MND1: variants seen among roughly 807,000 people sequenced by gnomAD.
MND1 encodes the protein meiotic nuclear divisions 1.
A neutral mutation model predicts 35.1 loss-of-function variants in MND1; 28 were observed. The observed-to-expected ratio is 0.80, with a 90% CI of 0.59 to 1.09. The LOEUF is 1.09. MND1 is among the 50% of genes least tolerant of loss of function. The pLI is 0.00. For missense variants in MND1, 213 were observed against 239.6 expected (o/e 0.89, Z 0.73); for synonymous variants, 69 against 70.5 (o/e 0.98, Z 0.11).
intron 6 of MND1, among the ~76,000 whole-genome samples, chr4:153,404,799 G>A (rs898039783): frequency 3.9e-5 from 6 of 152,086 alleles, no homozygotes; most frequent in Non-Finnish European, 5.9e-5. Context: ...TTCTTTAAGC[G>A]GATCACAAAG....
At chr4:153,376,210 A>G (rs953218958) in intron 4 of MND1, among the ~76,000 whole-genome samples, 1 of 152,058 alleles carries the variant, frequency 6.6e-6, no homozygotes, top group East Asian at 1.9e-4. Flanking sequence ...CTTGATAGCT[A>G]TTTCTAGAAT....
At chr4:153,381,429 C>A (rs924188038) in intron 4 of MND1, among the ~76,000 whole-genome samples, 2 of 151,026 alleles carry the variant, frequency 1.3e-5, no homozygotes, top group Non-Finnish European at 2.9e-5. Flanking sequence ...ATACTCCCCC[C>A]AAATCAGACA....
intron 4 of MND1, among the ~76,000 whole-genome samples, chr4:153,363,726 G>A (rs748918257): frequency 2.6e-5 from 4 of 152,106 alleles, no homozygotes; most frequent in Admixed American, 6.5e-5. Context: ...TCAGGAGTTC[G>A]GACCTACCTA....
At chr4:153,355,601 C>T (rs943068367) in intron 2 of MND1, 53 bp from the exon 3 acceptor site, 7 of 1,157,824 alleles carry the variant, frequency 6.0e-6, no homozygotes, top group Non-Finnish European at 7.7e-6. Context: ...TGAAAATATA[C>T]ATAGTAGAAA....
At chr4:153,363,436 TC>T (rs753462597) in intron 4 of MND1, among the ~76,000 whole-genome samples, 58 of 152,176 alleles carry the variant, frequency 3.8e-4, no homozygotes, top group Admixed American at 1.1e-3. Context: ...GGTCTCGAAC[TC>T]CCGACCTCAG....
intron 6 of MND1, among the ~76,000 whole-genome samples, chr4:153,403,342 C>T (rs141366037): frequency 1.3e-4 from 20 of 152,292 alleles, no homozygotes; most frequent in African/African-American, 3.1e-4. Flanking sequence ...TTGCTGAGAA[C>T]GCATGTCGCA....
rs199578291 is a variant in MND1, at chr4:153,393,371, T to TC, written c.277-891_277-890insC. Among the ~76,000 whole-genome samples, 669 of 145,506 alleles carry TC rather than the reference T, an allele frequency of 4.6e-3. 2 individuals carry two copies. The highest frequency in any genetic ancestry group is 0.016 in the African/African-American group (629 of 38,944). On this transcript the variant is annotated intron_variant, in intron 4 of 7. Transcript: ENST00000240488. ...GATTTTCAAATTCAATTTCTTTCTTTTTTTTTTTTTTTTTTTTGAAACAGG... is the reference window on the plus strand; with the variant it reads ...GATTTTCAAATTCAATTTCTTTCTTTCTTTTTTTTTTTTTTTTTGAAACAGG...
At chr4:153,378,024 G>T (rs1349233428) in intron 4 of MND1, among the ~76,000 whole-genome samples, 2 of 152,096 alleles carry the variant, frequency 1.3e-5, no homozygotes, top group Non-Finnish European at 2.9e-5. Context: ...TGAAGGCAGG[G>T]TCTATATCTT....
In MND1 at chr4:153,358,471, T is replaced by C. The variant is rs115186105; in HGVS notation, c.128-3T>C. On this transcript the variant is annotated splice_polypyrimidine_tract_variant and splice_region_variant and intron_variant, in intron 3 of 7. Transcript: ENST00000240488. ...CATAGAGTCTTTAAAAATTGTCTCT[T>C]AGCTGCTATGTCAGTAAAAGAAGTC... The C allele has an allele frequency of 4.1e-4, 658 of 1,586,844 alleles. 4 individuals carry two copies. In the African/African-American group the frequency reaches 7.9e-3, roughly 19 times the overall value.
chr4:153,406,895 C>A (rs1370022385), intron 6 of MND1, among the ~76,000 whole-genome samples: 2 of 152,212 alleles, frequency 1.3e-5, no homozygotes, highest in Non-Finnish European at 2.9e-5. Flanking sequence ...ACCTCACAAT[C>A]ATGGTGGAAG....
At chr4:153,347,434 G>T (rs1773101353) in intron 1 of MND1, among the ~76,000 whole-genome samples, 1 of 152,144 alleles carries the variant, frequency 6.6e-6, no homozygotes, top group Non-Finnish European at 1.5e-5. Context: ...AGGTGTTGGG[G>T]GGCTTAGGAG....
In MND1 at chr4:153,400,238, G is replaced by A. The variant is rs72617458; in HGVS notation, c.466+2905G>A. ...TCATTTTTCATCACCATCAGACTAG[G>A]TTATCTTTTAATAGTTATTTATGCA... On this transcript the variant is annotated intron_variant, in intron 6 of 7. Transcript: ENST00000240488. Among the ~76,000 whole-genome samples, 1,377 of 151,962 alleles carry A rather than the reference G, an allele frequency of 9.1e-3. 52 individuals are homozygous for A. In the East Asian group the frequency reaches 0.11, roughly 12 times the overall value.
chr4:153,384,257 GCT>G (rs1491099646), intron 4 of MND1, among the ~76,000 whole-genome samples: 2 of 74,242 alleles, frequency 2.7e-5, no homozygotes, highest in Middle Eastern at 7.8e-3. Flanking sequence ...TCTACTTTCT[GCT>G]TTTTTTTTTT....
At chr4:153,387,887 G>C (rs1728912356) in intron 4 of MND1, among the ~76,000 whole-genome samples, 1 of 150,848 alleles carries the variant, frequency 6.6e-6, no homozygotes, top group East Asian at 1.9e-4. Context: ...GCAGTAGACT[G>C]ATCTAGTTGC....
chr4:153,386,012 G>A (rs1187152095), intron 4 of MND1, among the ~76,000 whole-genome samples: 1 of 152,120 alleles, frequency 6.6e-6, no homozygotes, highest in African/African-American at 2.4e-5. Flanking sequence ...TGATGTCAAT[G>A]TAGGTTCACT....
intron 1 of MND1, among the ~76,000 whole-genome samples, chr4:153,348,821 T>G (rs1037838319): frequency 1.3e-5 from 2 of 152,140 alleles, no homozygotes; most frequent in Non-Finnish European, 2.9e-5. Context: ...GTTAGTGGGT[T>G]TCTAGGTTTT....
At chr4:153,399,890 ATTTTTTTTTTTTTTTTT>A (rs34815482) in intron 6 of MND1, among the ~76,000 whole-genome samples, 11 of 71,120 alleles carry the variant, frequency 1.5e-4, no homozygotes, top group Admixed American at 1.1e-3. Context: ...TTTCAGTGAG[ATTTTTTTTTTTTTTTTT>A]TTTTTTTTTT....
intron 4 of MND1, 67 bp from the exon 5 acceptor site, chr4:153,394,195 T>G (rs1446851241): frequency 1.4e-6 from 2 of 1,475,788 alleles, no homozygotes; most frequent in African/African-American, 2.8e-5. Context: ...TGGTGGACTT[T>G]GTTTTCATCA....
At chr4:153,385,836 C>G (rs1053280020) in intron 4 of MND1, among the ~76,000 whole-genome samples, 1 of 152,032 alleles carries the variant, frequency 6.6e-6, no homozygotes, top group Non-Finnish European at 1.5e-5. Flanking sequence ...CTCATGTCCT[C>G]AGGTTGGCTT....
Sources: gnomAD v4.1 joint callset for allele counts (sites outside exome capture counted in the v4.1 genomes callset) on GRCh38, gnomAD v4.1.1 for gene constraint, MANE v1.5 for transcripts, NCBI Gene and HGNC (gene_info 2026-07-23, HGNC 2026-07-21) for gene names.